PCGF5: variants seen among roughly 807,000 people sequenced by gnomAD.
The protein encoded by PCGF5 is polycomb group ring finger 5.
In PCGF5, 9 loss-of-function variants were observed where a neutral mutation model predicts 44.3. The observed-to-expected ratio is 0.20, with a 90% CI of 0.12 to 0.35. PCGF5 has a LOEUF of 0.35. Ranked by LOEUF, PCGF5 falls within the 10% of genes least tolerant of loss-of-function variation. PCGF5 has a pLI of 1.00. For missense variants in PCGF5, 146 were observed against 305.3 expected, an observed-to-expected ratio of 0.48 and a Z score of 3.89; for synonymous variants, 95 against 102.5, an observed-to-expected ratio of 0.93 and a Z score of 0.44.
At chr10:91,179,665 C>T (rs2133188685) in intron 1 of PCGF5, among the ~76,000 whole-genome samples, 1 of 152,354 alleles carries the variant, frequency 6.6e-6, no homozygotes, top group South Asian at 2.1e-4. Context: ...CATGTCCCCA[C>T]AAAGGACATG....
intron 1 of PCGF5, among the ~76,000 whole-genome samples, chr10:91,180,777 G>A (rs551827605): frequency 9.4e-4 from 143 of 152,256 alleles, no homozygotes; most frequent in African/African-American, 3.3e-3. Context: ...TTGAAGTTGG[G>A]TAGCATGATG....
chr10:91,262,391 G>A (rs1256018585), intron 7 of PCGF5, among the ~76,000 whole-genome samples: 1 of 152,106 alleles, frequency 6.6e-6, no homozygotes, highest in Non-Finnish European at 1.5e-5. Context: ...TCACGCCACT[G>A]CACTCCAGCC....
At chr10:91,246,559 T>C (rs1269410199) in intron 3 of PCGF5, among the ~76,000 whole-genome samples, 2 of 152,112 alleles carry the variant, frequency 1.3e-5, no homozygotes, top group Admixed American at 6.6e-5. Flanking sequence ...ATTAGCACTT[T>C]AGGAAGATTG....
chr10:91,243,516 ATAAATGACTC>A (rs1347428014), intron 3 of PCGF5, among the ~76,000 whole-genome samples: 1 of 152,156 alleles, frequency 6.6e-6, no homozygotes, highest in African/African-American at 2.4e-5. Flanking sequence ...CCAAGAAAGA[ATAAATGACTC>A]TAGCATAGCA....
intron 2 of PCGF5, among the ~76,000 whole-genome samples, chr10:91,237,794 C>T (rs1171490120): frequency 1.3e-5 from 2 of 151,758 alleles, no homozygotes; most frequent in African/African-American, 2.4e-5. Context: ...TTTTTGCTGC[C>T]ATTCACCAGA....
At chr10:91,245,589 A>G (rs1160224788) in intron 3 of PCGF5, among the ~76,000 whole-genome samples, 1 of 152,122 alleles carries the variant, frequency 6.6e-6, no homozygotes, top group Non-Finnish European at 1.5e-5. Flanking sequence ...TAGAAAGCAG[A>G]AAGTTAATCA....
intron 8 of PCGF5, among the ~76,000 whole-genome samples, chr10:91,268,597 C>T (rs1399709434): frequency 1.3e-5 from 2 of 152,066 alleles, no homozygotes; most frequent in Non-Finnish European, 2.9e-5. Context: ...CTCTCTGCCC[C>T]GTGGAGTCTT....
intron 1 of PCGF5, among the ~76,000 whole-genome samples, chr10:91,212,384 C>T (rs1006035746): frequency 6.6e-6 from 1 of 152,128 alleles, no homozygotes; most frequent in Non-Finnish European, 1.5e-5. Flanking sequence ...ATTTGATGAA[C>T]ATGCTTAAAA....
intron 1 of PCGF5, among the ~76,000 whole-genome samples, chr10:91,207,932 A>G (rs1428349590): frequency 6.6e-6 from 1 of 152,214 alleles, no homozygotes; most frequent in Non-Finnish European, 1.5e-5. Context: ...ATCACTGTTT[A>G]GGTAGCATCC....
chr10:91,224,606 A>G (rs906213613), intron 2 of PCGF5, among the ~76,000 whole-genome samples: 1 of 152,194 alleles, frequency 6.6e-6, no homozygotes, highest in African/African-American at 2.4e-5. Flanking sequence ...ATATGATGAC[A>G]TTTGAACAGA....
intron 8 of PCGF5, among the ~76,000 whole-genome samples, chr10:91,266,017 G>T (rs1435356812): frequency 1.3e-5 from 2 of 152,128 alleles, no homozygotes; most frequent in Non-Finnish European, 2.9e-5. Context: ...TGTTTTAAAT[G>T]ATTGTACATA....
intron 1 of PCGF5, among the ~76,000 whole-genome samples, chr10:91,169,850 GAC>G (rs1290890785): frequency 6.6e-6 from 1 of 152,210 alleles, no homozygotes; most frequent in Non-Finnish European, 1.5e-5. Context: ...TTGGAGGACT[GAC>G]ACTACCTACC....
intron 1 of PCGF5, among the ~76,000 whole-genome samples, chr10:91,176,214 T>C (rs1039865647): frequency 3.1e-4 from 47 of 152,340 alleles, no homozygotes; most frequent in Non-Finnish European, 2.4e-4. Flanking sequence ...AAAATTCTTT[T>C]CTTTAAGAAT....
rs140268573 is a variant in PCGF5 at position 91,267,462 on chromosome 10, A to G, written c.663+2942A>G. 1.5e-3 allele frequency among the ~76,000 whole-genome samples: 225 copies of G among 152,334 alleles called. 1 individual carries two copies. Among genetic ancestry groups the G allele is most frequent in the Middle Eastern group, 0.01 (3 of 294 alleles). ...GTTCACTGCTAAATCTCCAGCACCT[A>G]GGGCAGTGCCCAGCATATATACTCA... On this transcript the variant is annotated intron_variant, in intron 8 of 9. Transcript: ENST00000336126.
intron 1 of PCGF5, among the ~76,000 whole-genome samples, chr10:91,191,009 C>T (rs1305476159): frequency 6.6e-6 from 1 of 152,292 alleles, no homozygotes; most frequent in Non-Finnish European, 1.5e-5. Context: ...AAAATCCTTA[C>T]GCTGACAGTT....
Position 91,278,324 on chromosome 10 carries a change from G to A in PCGF5, c.*8G>A. 1.9e-6 allele frequency: 3 copies of A among 1,607,522 alleles called. No homozygotes were observed. Among genetic ancestry groups the A allele is most frequent in the Non-Finnish European group, 2.6e-6 (3 of 1,174,148 alleles). Reference sequence around the variant, plus strand: ...AGAATTGATTTCGGTTAGACCAAGGGGCCCAGACCTCACTGAGATGAATCC... The same window carrying A: ...AGAATTGATTTCGGTTAGACCAAGGAGCCCAGACCTCACTGAGATGAATCC... On this transcript the variant is annotated 3_prime_UTR_variant, in exon 10 of 10. Coordinates refer to ENST00000336126, the MANE Select transcript of PCGF5 (RefSeq NM_032373.5).
intron 1 of PCGF5, among the ~76,000 whole-genome samples, chr10:91,163,895 A>C (rs1843444393): frequency 6.6e-6 from 1 of 152,028 alleles, no homozygotes; most frequent in Admixed American, 6.5e-5. Context: ...CCCCGCCAAC[A>C]CTCGGGCAGC....
At chr10:91,186,594 A>G (rs12773006) in intron 1 of PCGF5, among the ~76,000 whole-genome samples, 1 of 110,464 alleles carries the variant, frequency 9.1e-6, no homozygotes, top group African/African-American at 2.5e-5. Flanking sequence ...GTGTATATAT[A>G]TGTGTATATA....
chr10:91,228,081 C>G (rs1451969897), intron 2 of PCGF5: 1 of 367,520 alleles, frequency 2.7e-6, no homozygotes, highest in Non-Finnish European at 3.8e-6. Context: ...TCTACATAGG[C>G]ATCTTTGGGG....
Sources: gnomAD v4.1 joint callset for allele counts (sites outside exome capture counted in the v4.1 genomes callset) on GRCh38, gnomAD v4.1.1 for gene constraint, MANE v1.5 for transcripts, NCBI Gene and HGNC (gene_info 2026-07-23, HGNC 2026-07-21) for gene names.